Variants in TACC1 observed in about 807,000 individuals in gnomAD.
The protein encoded by TACC1 is transforming acidic coiled-coil-containing protein 1.
A neutral mutation model predicts 84.4 loss-of-function variants in TACC1; 48 were observed. The ratio of observed to expected loss-of-function variants is 0.57; its 90% CI spans 0.45 to 0.72. The LOEUF is 0.72. Ranked by LOEUF, TACC1 falls within the 30% of genes least tolerant of loss-of-function variation. TACC1 has a pLI of 0.00. For synonymous variants in TACC1, 372 were observed against 376.3 expected, an observed-to-expected ratio of 0.99 and a Z score of 0.13; for missense variants, 920 against 973.0, an observed-to-expected ratio of 0.95 and a Z score of 0.72.
intron 4 of TACC1, 74 bp downstream of exon 4, chr8:38,825,442 G>C: frequency 6.4e-7 from 1 of 1,568,720 alleles, no homozygotes; most frequent in Non-Finnish European, 8.8e-7. Context: ...CCCCCTGGCG[G>C]GTGGTTCAAA....
intron 3 of TACC1, among the ~76,000 whole-genome samples, chr8:38,771,621 G>A (rs1274400421): frequency 6.6e-6 from 1 of 152,212 alleles, no homozygotes; most frequent in Non-Finnish European, 1.5e-5. Context: ...GCACATAAGT[G>A]CGCATGGGTG....
At chr8:38,807,844 AC>A (rs900910880) in intron 2 of TACC1, among the ~76,000 whole-genome samples, 1 of 152,190 alleles carries the variant, frequency 6.6e-6, no homozygotes, top group African/African-American at 2.4e-5. Context: ...TGCATTCCAT[AC>A]CTTTTCTTTT....
At chr8:38,758,398 C>T (rs879911534) in intron 3 of TACC1, among the ~76,000 whole-genome samples, 4 of 152,082 alleles carry the variant, frequency 2.6e-5, no homozygotes, top group Non-Finnish European at 5.9e-5. Context: ...TAGCTGACGC[C>T]GGGCGTGGTT....
intron 1 of TACC1, among the ~76,000 whole-genome samples, chr8:38,740,800 A>G (rs1033771555): frequency 6.6e-6 from 1 of 152,226 alleles, no homozygotes; most frequent in African/African-American, 2.4e-5. Context: ...ATTTTAGTGC[A>G]ATTCTGATCT....
intron 9 of TACC1, chr8:38,840,493 A>G: frequency 2.7e-6 from 1 of 371,582 alleles, no homozygotes; most frequent in African/African-American, 2.1e-5. Flanking sequence ...TTATAAGGAC[A>G]CTAATCCTGA....
At chr8:38,734,870 T>C (rs1371877509) in intron 1 of TACC1, among the ~76,000 whole-genome samples, 2 of 152,278 alleles carry the variant, frequency 1.3e-5, no homozygotes, top group East Asian at 1.9e-4. Context: ...GCCTTAGGCC[T>C]GTCTCCTTGT....
chr8:38,846,021 G>C (rs546746518), intron 11 of TACC1: 3 of 151,914 alleles, frequency 2.0e-5, no homozygotes, highest in African/African-American at 7.3e-5. Flanking sequence ...GGCCGGGCGC[G>C]GTGGCTCACG....
At chr8:38,762,149 T>A (rs1811325508) in intron 3 of TACC1, among the ~76,000 whole-genome samples, 2 of 152,294 alleles carry the variant, frequency 1.3e-5, no homozygotes, top group South Asian at 4.1e-4. Context: ...TCTGAGGGAA[T>A]TCAGGCACAG....
At chr8:38,783,233 T>C (rs1189320642), upstream of TACC1, among the ~76,000 whole-genome samples, 2 of 151,480 alleles carry the variant, frequency 1.3e-5, no homozygotes, top group Non-Finnish European at 2.9e-5. Context: ...GTATACTTCC[T>C]GGGGAAAGCA....
Position 38,819,672 on chromosome 8 carries a change from T to G in TACC1, c.428T>G (p.Phe143Cys). The G allele has an allele frequency of 6.2e-7, 1 of 1,614,184 alleles. No individual in the cohort carries two copies. The highest frequency in any genetic ancestry group is 8.5e-7 in the Non-Finnish European group (1 of 1,180,036). ...TTCAGAGAAGAACCTGAACATGATT[T>G]TAGCAAAATTTCCATCGTGAGGCCA... Reference protein sequence around the residue: ...KNFREEPEHDFSKISIVRPFS... With the variant: ...KNFREEPEHDCSKISIVRPFS... Residue 143 changes from phenylalanine (F) to cysteine (C), a missense_variant, in exon 3 of 13, where the codon TTT (phenylalanine) becomes TGT (cysteine). By Grantham distance (205) the Phe-to-Cys change is radical (BLOSUM62 -2). Around this residue, in one of 2 missense-constraint regions of TACC1, gnomAD observed 762 missense variants for 747.3 expected, o/e 1.02. Coordinates refer to ENST00000317827, the MANE Select transcript of TACC1 (RefSeq NM_006283.3).
intron 2 of TACC1, among the ~76,000 whole-genome samples, chr8:38,791,678 A>G (rs1483437115): frequency 6.6e-6 from 1 of 152,218 alleles, no homozygotes; most frequent in Non-Finnish European, 1.5e-5. Flanking sequence ...CCTGGTAAAG[A>G]TAGTCTTTCA....
intron 2 of TACC1, among the ~76,000 whole-genome samples, chr8:38,799,025 G>A (rs545389691): frequency 6.6e-6 from 1 of 152,324 alleles, no homozygotes; most frequent in South Asian, 2.1e-4. Flanking sequence ...TGGACTTTTA[G>A]CATTAATGCT....
intron 5 of TACC1, among the ~76,000 whole-genome samples, chr8:38,829,824 C>T (rs922782034): frequency 6.6e-6 from 1 of 152,210 alleles, no homozygotes; most frequent in Non-Finnish European, 1.5e-5. Context: ...TGATCAGCCG[C>T]ATCACAAGCA....
At chr8:38,819,250 T>C (rs1336124194) in intron 2 of TACC1, among the ~76,000 whole-genome samples, 1 of 152,232 alleles carries the variant, frequency 6.6e-6, no homozygotes, top group African/African-American at 2.4e-5. Context: ...CTTGCTCTAT[T>C]TATCCTTTTT....
chr8:38,830,595 C>G (rs183436263), intron 5 of TACC1, among the ~76,000 whole-genome samples: 1 of 152,248 alleles, frequency 6.6e-6, no homozygotes, highest in East Asian at 1.9e-4. Context: ...ATGTCATCCT[C>G]TACCCTAGTA....
intron 2 of TACC1, among the ~76,000 whole-genome samples, chr8:38,791,311 G>C (rs1818597798): frequency 6.6e-6 from 1 of 152,132 alleles, no homozygotes. Flanking sequence ...AGGCTCTATG[G>C]GGTAGTTCAT....
At position 38,852,085 on chromosome 8, in the gene TACC1, G is replaced by A; in HGVS notation, c.*4062G>A. 1 of 367,636 alleles carries A rather than the reference G, an allele frequency of 2.7e-6. No individual in the cohort carries two copies. Among genetic ancestry groups the A allele is most frequent in the Non-Finnish European group, 5.6e-6 (1 of 179,052 alleles). 22.8% of individuals were successfully genotyped at this position (367,636 alleles called of 1,614,324 possible). On this transcript the variant is annotated 3_prime_UTR_variant, in exon 13 of 13. Coordinates refer to ENST00000317827, the MANE Select transcript of TACC1 (RefSeq NM_006283.3). ...GACTATCAGCGGCAGCATTCTCCAG[G>A]GAAGACCCATCCCCTAGTGCCAGAG...
At chr8:38,771,035 A>G (rs913044751) in intron 3 of TACC1, among the ~76,000 whole-genome samples, 4 of 152,212 alleles carry the variant, frequency 2.6e-5, no homozygotes, top group East Asian at 3.8e-4. Flanking sequence ...TTATTGAACC[A>G]AGAGGCCAGG....
intron 2 of TACC1, chr8:38,805,487 T>C (rs1375977809): frequency 6.6e-6 from 1 of 152,380 alleles, no homozygotes; most frequent in Non-Finnish European, 1.5e-5. Flanking sequence ...GGCAGTCCTA[T>C]GAGGCGGTGG....
Sources: allele counts gnomAD v4.1 joint callset (sites outside exome capture counted in the v4.1 genomes callset), GRCh38; gene constraint gnomAD v4.1.1; regional missense constraint gnomAD v4.1.1; transcripts MANE v1.5; gene names NCBI Gene and HGNC (gene_info 2026-07-23, HGNC 2026-07-21).